TPST1: variants seen among roughly 807,000 people sequenced by gnomAD.
TPST1 encodes tyrosylprotein sulfotransferase 1.
A neutral mutation model predicts 34.8 loss-of-function variants in TPST1; 20 were observed. The observed-to-expected ratio is 0.57, with a 90% CI of 0.40 to 0.84. The LOEUF (loss-of-function observed/expected upper bound fraction) is 0.84. Ranked by LOEUF, TPST1 falls within the 40% of genes least tolerant of loss-of-function variation. The pLI is 0.00. For synonymous variants in TPST1, 152 were observed against 159.4 expected (o/e 0.95, Z 0.35); for missense variants, 353 against 455.5 (o/e 0.78, Z 2.05).
chr7:66,341,071 T>A (rs1792227885), intron 3 of TPST1, among the ~76,000 whole-genome samples: 1 of 152,092 alleles, frequency 6.6e-6, no homozygotes, highest in Admixed American at 6.6e-5. Flanking sequence ...AAAATACCAA[T>A]GACATTTTTC....
intron 1 of TPST1, among the ~76,000 whole-genome samples, chr7:66,235,055 C>T (rs1282348215): frequency 1.3e-5 from 2 of 152,124 alleles, no homozygotes; most frequent in African/African-American, 4.8e-5. Context: ...CGACTCTTCT[C>T]TGTTTTCTAC....
chr7:66,354,882 A>T (rs1792553169), intron 4 of TPST1, among the ~76,000 whole-genome samples: 1 of 152,058 alleles, frequency 6.6e-6, no homozygotes, highest in East Asian at 1.9e-4. Flanking sequence ...AGTCCCAGCT[A>T]CTTGGGAGGC....
intron 1 of TPST1, among the ~76,000 whole-genome samples, chr7:66,234,651 C>T (rs1789873452): frequency 6.6e-6 from 1 of 152,020 alleles, no homozygotes. Context: ...TGTCTGTTTA[C>T]ATTCAGGGAA....
chr7:66,273,070 T>C (rs953984362), intron 2 of TPST1, among the ~76,000 whole-genome samples: 3 of 152,192 alleles, frequency 2.0e-5, no homozygotes, highest in African/African-American at 7.2e-5. Flanking sequence ...AACTAGTTAA[T>C]GAATTCAGTA....
At chr7:66,258,921 A>G (rs1248200046) in intron 2 of TPST1, among the ~76,000 whole-genome samples, 1 of 152,066 alleles carries the variant, frequency 6.6e-6, no homozygotes, top group Non-Finnish European at 1.5e-5. Context: ...GTTTTTTGAA[A>G]AAGTCTTAGT....
intron 3 of TPST1, among the ~76,000 whole-genome samples, chr7:66,294,812 A>G (rs1791159632): frequency 6.6e-6 from 1 of 152,060 alleles, no homozygotes. Flanking sequence ...CAAAGGTAAG[A>G]TTACGTATAT....
At chr7:66,244,049 C>T (rs1464585306) in intron 2 of TPST1, among the ~76,000 whole-genome samples, 1 of 150,608 alleles carries the variant, frequency 6.6e-6, no homozygotes, top group Non-Finnish European at 1.5e-5. Context: ...CCCAGGTTCA[C>T]GCCATTCTCC....
intron 2 of TPST1, among the ~76,000 whole-genome samples, chr7:66,276,584 C>G (rs1374547950): frequency 1.3e-5 from 2 of 151,576 alleles, no homozygotes; most frequent in African/African-American, 4.8e-5. Flanking sequence ...GCTTTTAAAT[C>G]TTTGAAGGCA....
At chr7:66,203,609 C>A (rs1789060577), upstream of TPST1, among the ~76,000 whole-genome samples, 1 of 151,940 alleles carries the variant, frequency 6.6e-6, no homozygotes, top group Non-Finnish European at 1.5e-5. Context: ...CCTCTGCCTC[C>A]CGAGTAGCTG....
At chr7:66,278,734 G>A (rs969308251) in intron 2 of TPST1, among the ~76,000 whole-genome samples, 1 of 151,598 alleles carries the variant, frequency 6.6e-6, no homozygotes, top group Non-Finnish European at 1.5e-5. Context: ...AGGGAGCCGA[G>A]ATCGCACCAC....
At chr7:66,222,149 C>T (rs147066914) in intron 1 of TPST1, among the ~76,000 whole-genome samples, 6,013 of 152,076 alleles carry the variant, frequency 0.04, 409 homozygotes, top group African/African-American at 0.14. Flanking sequence ...TTTGGGAGGC[C>T]GAGGCAGGTG....
chr7:66,272,646 T>G (rs922529880), intron 2 of TPST1, among the ~76,000 whole-genome samples: 1 of 151,266 alleles, frequency 6.6e-6, no homozygotes, highest in Non-Finnish European at 1.5e-5. Context: ...TGGAAGGCAG[T>G]AGTGCAATCA....
intron 3 of TPST1, among the ~76,000 whole-genome samples, chr7:66,301,199 C>T (rs1440670765): frequency 2.0e-5 from 3 of 152,136 alleles, no homozygotes; most frequent in Non-Finnish European, 4.4e-5. Context: ...AGCTTCTTTC[C>T]TTAATCTTCA....
At chr7:66,245,378 G>C (rs1405034054) in intron 2 of TPST1, among the ~76,000 whole-genome samples, 1 of 152,180 alleles carries the variant, frequency 6.6e-6, no homozygotes, top group African/African-American at 2.4e-5. Flanking sequence ...AACATCAGGG[G>C]TCAGGGGCAT....
At chr7:66,264,933 A>G (rs1308648642) in intron 2 of TPST1, among the ~76,000 whole-genome samples, 1 of 152,164 alleles carries the variant, frequency 6.6e-6, no homozygotes, top group African/African-American at 2.4e-5. Context: ...CAAAAACCTA[A>G]CTGAAAGTTT....
chr7:66,260,342 A>G (rs1465531483), intron 2 of TPST1, among the ~76,000 whole-genome samples: 1 of 152,200 alleles, frequency 6.6e-6, no homozygotes, highest in Non-Finnish European at 1.5e-5. Flanking sequence ...GTCTGTGTTA[A>G]GTATGTGTGG....
intron 2 of TPST1, among the ~76,000 whole-genome samples, chr7:66,282,997 G>A (rs756649425): frequency 1.3e-5 from 2 of 152,072 alleles, no homozygotes; most frequent in Admixed American, 6.5e-5. Context: ...GGCTGGGCAC[G>A]GTGGCTCATG....
chr7:66,206,682 G>A (rs1789137333), intron 1 of TPST1, among the ~76,000 whole-genome samples: 1 of 152,034 alleles, frequency 6.6e-6, no homozygotes, highest in Non-Finnish European at 1.5e-5. Context: ...CAGTGTTTGG[G>A]TAACTTTCTT....
At chr7:66,317,006 C>T (rs530061940) in intron 3 of TPST1, among the ~76,000 whole-genome samples, 2 of 152,216 alleles carry the variant, frequency 1.3e-5, no homozygotes, top group South Asian at 4.1e-4. Flanking sequence ...ATAATCTGTA[C>T]AGCAAACCCC....
Sources: allele counts gnomAD v4.1 joint callset (sites outside exome capture counted in the v4.1 genomes callset), GRCh38; gene constraint gnomAD v4.1.1; transcripts MANE v1.5; gene names NCBI Gene and HGNC (gene_info 2026-07-23, HGNC 2026-07-21).